The following ASIC2 variants were observed in gnomAD, a reference collection of about 807,000 sequenced individuals.
ASIC2 encodes the protein acid-sensing ion channel 2.
Under a neutral mutation model 57.3 loss-of-function variants are expected in ASIC2, and 25 were observed. That is an observed-to-expected ratio of 0.44 (90% confidence interval 0.32 to 0.61). The LOEUF (loss-of-function observed/expected upper bound fraction) is 0.61. Among genes scored for constraint, ASIC2 ranks in the 20% least tolerant of loss-of-function variants. The pLI is 0.06. For synonymous variants in ASIC2, 319 were observed against 307.5 expected (o/e 1.04, Z -0.39); for missense variants, 641 against 738.1 (o/e 0.87, Z 1.52).
At chr17:33,716,190 A>T (rs866181729) in intron 1 of ASIC2, among the ~76,000 whole-genome samples, 1 of 152,176 alleles carries the variant, frequency 6.6e-6, no homozygotes, top group South Asian at 2.1e-4. Context: ...CTGACACCCC[A>T]CTGTTTTCAA....
At chr17:33,282,453 A>G (rs62067934) in intron 1 of ASIC2, among the ~76,000 whole-genome samples, 19 of 147,552 alleles carry the variant, frequency 1.3e-4, no homozygotes, top group East Asian at 6.0e-4. Context: ...CTCTGTGTGT[A>G]TGTGTGTGTG....
chr17:33,741,654 A>G (rs1217762657), intron 1 of ASIC2, among the ~76,000 whole-genome samples: 2 of 152,182 alleles, frequency 1.3e-5, no homozygotes, highest in Non-Finnish European at 2.9e-5. Flanking sequence ...TATCCATCTC[A>G]GCTTCTAAAA....
intron 1 of ASIC2, among the ~76,000 whole-genome samples, chr17:33,745,189 T>G (rs968943228): frequency 1.3e-5 from 2 of 152,038 alleles, no homozygotes; most frequent in Non-Finnish European, 2.9e-5. Flanking sequence ...TTCCGCCTGA[T>G]GAAAGGGCCA....
chr17:33,130,141 T>C (rs2092339860), intron 1 of ASIC2, among the ~76,000 whole-genome samples: 1 of 152,168 alleles, frequency 6.6e-6, no homozygotes, highest in African/African-American at 2.4e-5. Context: ...CCTGGTGCCT[T>C]CTCTACTGAG....
At chr17:33,644,771 C>T (rs1218909817) in intron 1 of ASIC2, among the ~76,000 whole-genome samples, 3 of 152,200 alleles carry the variant, frequency 2.0e-5, no homozygotes, top group African/African-American at 7.2e-5. Flanking sequence ...TTCTACCTGT[C>T]TCCTGTCATT....
chr17:33,316,361 G>A (rs1906647120), intron 1 of ASIC2, among the ~76,000 whole-genome samples: 1 of 152,182 alleles, frequency 6.6e-6, no homozygotes. Context: ...GCTGTCTACA[G>A]CCACTGCTCT....
At chr17:33,179,929 G>T (rs1446942130) in intron 1 of ASIC2, among the ~76,000 whole-genome samples, 1 of 152,202 alleles carries the variant, frequency 6.6e-6, no homozygotes, top group Non-Finnish European at 1.5e-5. Flanking sequence ...AATGAAAGTA[G>T]AAATAGATTA....
At chr17:33,317,835 T>A (rs1052621897) in intron 1 of ASIC2, among the ~76,000 whole-genome samples, 4 of 151,924 alleles carry the variant, frequency 2.6e-5, no homozygotes, top group Non-Finnish European at 5.9e-5. Flanking sequence ...GGAGATGGAA[T>A]TTCAGCTGGG....
intron 1 of ASIC2, among the ~76,000 whole-genome samples, chr17:33,754,872 G>A (rs1011318913): frequency 6.7e-6 from 1 of 150,270 alleles, no homozygotes; most frequent in African/African-American, 2.5e-5. Context: ...GCAGGAGAAT[G>A]GTGTGAACCT....
At chr17:33,706,806 G>A (rs1008035552) in intron 1 of ASIC2, among the ~76,000 whole-genome samples, 10 of 152,088 alleles carry the variant, frequency 6.6e-5, no homozygotes, top group Admixed American at 5.2e-4. Flanking sequence ...ATCTTTCCTA[G>A]ATCTCCTCAT....
At chr17:33,797,445 G>A (rs189495129) in intron 1 of ASIC2, among the ~76,000 whole-genome samples, 5 of 152,144 alleles carry the variant, frequency 3.3e-5, no homozygotes, top group African/African-American at 4.8e-5. Context: ...TAGGTTAGGC[G>A]GTATTATTGC....
intron 1 of ASIC2, among the ~76,000 whole-genome samples, chr17:34,141,161 A>T (rs199573453): frequency 2.0e-4 from 2 of 9,914 alleles, no homozygotes; most frequent in African/African-American, 8.5e-4. Flanking sequence ...TTGAATTATT[A>T]AAAAAAAAAA....
At chr17:33,846,544 T>G (rs907039951) in intron 1 of ASIC2, among the ~76,000 whole-genome samples, 3 of 152,130 alleles carry the variant, frequency 2.0e-5, no homozygotes, top group African/African-American at 7.2e-5. Context: ...ATTAAAGATG[T>G]GTATGATGCC....
intron 3 of ASIC2, among the ~76,000 whole-genome samples, chr17:33,042,239 G>A (rs185730326): frequency 4.6e-5 from 7 of 152,328 alleles, no homozygotes; most frequent in Admixed American, 4.6e-4. Flanking sequence ...CACAGAAGCA[G>A]TGAGACACCC....
chr17:33,516,267 A>T (rs974048604), intron 1 of ASIC2, among the ~76,000 whole-genome samples: 22 of 152,186 alleles, frequency 1.4e-4, no homozygotes, highest in Admixed American at 3.9e-4. Flanking sequence ...CTTCACACAC[A>T]ACCAGAACGT....
chr17:33,047,225 C>G (rs1002811204), intron 3 of ASIC2, among the ~76,000 whole-genome samples: 3 of 152,220 alleles, frequency 2.0e-5, no homozygotes, highest in African/African-American at 7.2e-5. Flanking sequence ...TGACCCCCTT[C>G]CCTCTCAGAG....
intron 3 of ASIC2, among the ~76,000 whole-genome samples, chr17:33,075,144 G>A (rs1361385199): frequency 6.6e-6 from 1 of 152,138 alleles, no homozygotes; most frequent in Non-Finnish European, 1.5e-5. Flanking sequence ...TGAATCATGG[G>A]AGCGGTTTCC....
chr17:33,396,152 A>G (rs1013701907), intron 1 of ASIC2, among the ~76,000 whole-genome samples: 7 of 152,330 alleles, frequency 4.6e-5, no homozygotes, highest in African/African-American at 1.7e-4. Context: ...TCATTCCCTC[A>G]TTTTACAAAT....
At chr17:33,511,280 C>T (rs889881894) in intron 1 of ASIC2, among the ~76,000 whole-genome samples, 5 of 152,120 alleles carry the variant, frequency 3.3e-5, no homozygotes, top group Non-Finnish European at 7.4e-5. Flanking sequence ...AGGGTAGTTC[C>T]TTTCCTGGAT....
Sources: allele counts gnomAD v4.1 joint callset (sites outside exome capture counted in the v4.1 genomes callset), GRCh38; gene constraint gnomAD v4.1.1; transcripts MANE v1.5; gene names NCBI Gene and HGNC (gene_info 2026-07-23, HGNC 2026-07-21).